Variants in JMJD1C observed in about 807,000 individuals in gnomAD.
JMJD1C encodes jumonji domain-containing protein 1C.
Under a neutral mutation model 245.3 loss-of-function variants are expected in JMJD1C, and 31 were observed. The ratio of observed to expected loss-of-function variants is 0.13; its 90% CI spans 0.09 to 0.17. The LOEUF (loss-of-function observed/expected upper bound fraction) is 0.17, where lower values mean the gene tolerates loss of function less well. Among genes scored for constraint, JMJD1C ranks in the 10% least tolerant of loss-of-function variants. The pLI is 1.00. For missense variants in JMJD1C, 2,691 were observed against 3,000.2 expected (o/e 0.90, Z 2.41); for synonymous variants, 1,057 against 1,017.4 (o/e 1.04, Z -0.74).
At chr10:63,426,842 A>G (rs1256656558) in intron 1 of JMJD1C, among the ~76,000 whole-genome samples, 1 of 152,238 alleles carries the variant, frequency 6.6e-6, no homozygotes, top group African/African-American at 2.4e-5. Context: ...TCTCCAAAAG[A>G]GAAAAAGATA....
chr10:63,521,631 G>A, intron 1 of JMJD1C: 1 of 1,296,010 alleles, frequency 7.7e-7, no homozygotes, highest in Non-Finnish European at 1.0e-6. Context: ...GGGAGCTGTG[G>A]GAAGGGGAAG....
chr10:63,215,819 G>T, intron 5 of JMJD1C, 123 bp from the exon 6 acceptor site: 2 of 605,556 alleles, frequency 3.3e-6, no homozygotes, highest in East Asian at 2.9e-5. Context: ...TTTATAAGAT[G>T]CTGTTATAAT....
intron 1 of JMJD1C, among the ~76,000 whole-genome samples, chr10:63,517,415 C>CTGTTGA: frequency 6.6e-6 from 1 of 152,130 alleles, no homozygotes; most frequent in African/African-American, 2.4e-5. Context: ...ATAACAGTAT[C>CTGTTGA]ATCCCCATAT....
intron 1 of JMJD1C, among the ~76,000 whole-genome samples, chr10:63,432,576 C>T (rs1184891057): frequency 1.3e-5 from 2 of 152,234 alleles, no homozygotes; most frequent in Non-Finnish European, 2.9e-5. Flanking sequence ...AAGAGAACAA[C>T]AGCCCAGTCT....
rs141548386 is a variant in JMJD1C, at chr10:63,325,218, A to G, written c.333+55100T>C. 3.3e-5 allele frequency among the ~76,000 whole-genome samples: 5 copies of G among 152,358 alleles called. No individual in the cohort carries two copies. The East Asian group carries it at 9.6e-4, about 29-fold the overall frequency. ...AAGCATGGGGATTAACAAATAATAC[A>G]AACTTTTCCTTAGGAAAGCTAAATC... is the stretch of plus-strand genomic sequence containing the variant. On this transcript the variant is annotated intron_variant, in intron 2 of 25. Coordinates refer to ENST00000399262, the MANE Select transcript of JMJD1C (RefSeq NM_032776.3).
At position 63,333,814 on chromosome 10, in the gene JMJD1C, C is replaced by A. The variant is rs150436218; in HGVS notation, c.333+46504G>T. On this transcript the variant is annotated intron_variant, in intron 2 of 25. Coordinates refer to ENST00000399262, the MANE Select transcript of JMJD1C (RefSeq NM_032776.3). ...TTGTCAGAGACTTTTACAATCCTTG[C>A]AAATGAAACATAAGGGTCATTTCAC... is the stretch of plus-strand genomic sequence containing the variant. Among the ~76,000 whole-genome samples, 379 of 152,248 alleles carry A rather than the reference C, an allele frequency of 2.5e-3. 1 individual carries two copies. The highest frequency in any genetic ancestry group is 4.2e-3 in the Non-Finnish European group (287 of 68,014).
chr10:63,486,160 AAAAAAAAAC>A (rs1378707208), intron 1 of JMJD1C, among the ~76,000 whole-genome samples: 497 of 39,874 alleles, frequency 0.012, 4 homozygotes, highest in African/African-American at 0.027. Context: ...AAAAAAAAAA[AAAAAAAAAC>A]AAAAAACAGA....
Position 63,222,671 on chromosome 10 carries a change from G to T in JMJD1C, c.448-2688C>A, listed in dbSNP as rs539873996. On this transcript the variant is annotated intron_variant, in intron 3 of 25. Coordinates refer to ENST00000399262, the MANE Select transcript of JMJD1C (RefSeq NM_032776.3). ...TAGAGATCGGTGTGTAGAGGGAGTG[G>T]TGCATTCATTTGATGGTACCAAAGA... 6.5e-6 allele frequency: 10 copies of T among 1,540,354 alleles called. No homozygotes were observed. In the Admixed American group the frequency reaches 1.7e-4, roughly 26 times the overall value.
rs1249585875 is a variant in JMJD1C at position 63,207,609 on chromosome 10, T to C, written c.4060A>G (p.Ile1354Val). 1.2e-6 allele frequency: 2 copies of C among 1,614,054 alleles called. No individual in the cohort carries two copies. Among genetic ancestry groups the C allele is most frequent in the Non-Finnish European group, 1.7e-6 (2 of 1,180,036 alleles). ...TCTGAATTCACATTTGGCAAAATGA[T>C]TCTTCCAGTTTCTCCGGCTTCTGCT... ...KLAEAGETGR[I>V]ILPNVNSDSV... The change falls in exon 10 of 26, where the codon ATC (isoleucine) becomes GTC (valine). Residue 1354 changes from isoleucine to valine, a missense_variant. Around this residue, in one of 9 missense-constraint regions of JMJD1C, gnomAD observed 1,562 missense variants for 1,490.7 expected, o/e 1.05. Transcript: ENST00000399262.
chr10:63,511,770 A>ATACACAACATAT (rs1954880185), intron 1 of JMJD1C, among the ~76,000 whole-genome samples: 1 of 152,276 alleles, frequency 6.6e-6, no homozygotes, highest in East Asian at 1.9e-4. Flanking sequence ...ACATATATGT[A>ATACACAACATAT]GCACCAACGT....
chr10:63,301,279 T>C (rs1310370447), intron 2 of JMJD1C, among the ~76,000 whole-genome samples: 1 of 152,206 alleles, frequency 6.6e-6, no homozygotes, highest in Non-Finnish European at 1.5e-5. Flanking sequence ...CCTACCAAAG[T>C]GCTGGGATGA....
intron 19 of JMJD1C, 88 bp downstream of exon 19, chr10:63,186,127 A>C: frequency 9.6e-7 from 1 of 1,039,766 alleles, no homozygotes; most frequent in Non-Finnish European, 1.4e-6. Flanking sequence ...CAGATGTTTC[A>C]AAGACTAAAA....
chr10:63,336,158 G>A (rs1942710817), intron 2 of JMJD1C, among the ~76,000 whole-genome samples: 1 of 151,728 alleles, frequency 6.6e-6, no homozygotes, highest in African/African-American at 2.4e-5. Flanking sequence ...CCACGTCTAT[G>A]AAACACAAAT....
chr10:63,280,307 T>TG (rs1347121601), intron 2 of JMJD1C, among the ~76,000 whole-genome samples: 1 of 152,072 alleles, frequency 6.6e-6, no homozygotes, highest in Non-Finnish European at 1.5e-5. Flanking sequence ...CCCAGCACTC[T>TG]GGGAGACTGC....
At chr10:63,212,313 T>C (rs1309765344) in intron 8 of JMJD1C, among the ~76,000 whole-genome samples, 2 of 152,208 alleles carry the variant, frequency 1.3e-5, no homozygotes, top group African/African-American at 2.4e-5. Flanking sequence ...TTTAATATTA[T>C]GTATGTATGT....
chr10:63,213,869 G>T lies in JMJD1C; in HGVS notation c.2298C>A (p.Ala766=), dbSNP rs569430257. 58 of 1,613,874 alleles carry T rather than the reference G, an allele frequency of 3.6e-5. No individual in the cohort carries two copies. Among genetic ancestry groups the T allele is most frequent in the Admixed American group, 1.0e-4 (6 of 59,992 alleles). The stretch of plus-strand genomic sequence containing the variant: ...GTAATGGAGTTTGACTAGATGATCC[G>T]GCTAGTAAATGGGGTGCAGGAGTTA... ...PALTPAPHLL[A]GSSSQTPLPT... is the part of the protein sequence containing the mutation. The change falls in exon 8 of 26, where the codon GCC becomes GCA. Residue 766 remains alanine (A), a synonymous_variant. Transcript: ENST00000399262.
rs72835350 is a variant in JMJD1C, at chr10:63,328,295, G to T, written c.333+52023C>A. ...CATCTCAAAGAAAAAAAAAAAGAAA[G>T]AAAAGAAATATATAAAAATGCTATC... On this transcript the variant is annotated intron_variant, in intron 2 of 25. Transcript: ENST00000399262. 2.7e-5 allele frequency among the ~76,000 whole-genome samples: 4 copies of T among 146,852 alleles called. No homozygotes were observed. The East Asian group carries it at 7.8e-4, about 29-fold the overall frequency.
At position 63,220,126 on chromosome 10, in the gene JMJD1C, T is replaced by C. The variant is rs868180560; in HGVS notation, c.448-143A>G. 10 of 524,232 alleles carry C rather than the reference T, an allele frequency of 1.9e-5. No individual in the cohort carries two copies. The Middle Eastern group carries it at 2.0e-3, about 106-fold the overall frequency. The allele number at this position is 524,232 out of a possible 1,614,324, so 32.5% of individuals were successfully genotyped here. ...AAAAACACAAATTCATGAGTTATAG[T>C]TCATTGGCAATTGTGTAACAAAAGA... On this transcript the variant is annotated intron_variant, in intron 3 of 25. Coordinates refer to ENST00000399262, the MANE Select transcript of JMJD1C (RefSeq NM_032776.3).
chr10:63,176,130 T>G (rs2132803970), intron 24 of JMJD1C, among the ~76,000 whole-genome samples, 167 bp downstream of exon 24: 1 of 152,332 alleles, frequency 6.6e-6, no homozygotes, highest in East Asian at 1.9e-4. Flanking sequence ...GGAAATTATG[T>G]GAGATTTCTG....
Sources: gnomAD v4.1 joint callset for allele counts (sites outside exome capture counted in the v4.1 genomes callset) on GRCh38, gnomAD v4.1.1 for gene constraint, gnomAD v4.1.1 regional missense constraint, MANE v1.5 for transcripts, NCBI Gene and HGNC (gene_info 2026-07-23, HGNC 2026-07-21) for gene names.